The following CSNK1A1 variants were observed in gnomAD, a reference collection of about 807,000 sequenced individuals.
The protein encoded by CSNK1A1 is casein kinase I isoform alpha.
A neutral mutation model predicts 46.1 loss-of-function variants in CSNK1A1; 7 were observed. That is an observed-to-expected ratio of 0.15 (90% CI 0.09 to 0.29). CSNK1A1 has a LOEUF of 0.29. Ranked by LOEUF, CSNK1A1 falls within the 10% of genes least tolerant of loss-of-function variation. The pLI, the probability that CSNK1A1 is intolerant of heterozygous loss-of-function variation, is 1.00. For missense variants in CSNK1A1, 96 were observed against 417.1 expected (o/e 0.23, Z 6.71); for synonymous variants, 137 against 141.5 (o/e 0.97, Z 0.23).
At chr5:149,546,487 G>T (rs1374220819) in intron 2 of CSNK1A1, among the ~76,000 whole-genome samples, 3 of 151,966 alleles carry the variant, frequency 2.0e-5, no homozygotes, top group Non-Finnish European at 4.4e-5. Context: ...ACAAAAATTA[G>T]CTGGGCGTGG....
chr5:149,531,304 G>T (rs1008027309), intron 2 of CSNK1A1, among the ~76,000 whole-genome samples: 6 of 151,268 alleles, frequency 4.0e-5, no homozygotes, highest in Non-Finnish European at 8.8e-5. Flanking sequence ...GGAGGCCAAG[G>T]AGGGCGGATC....
At chr5:149,531,979 G>A (rs1449217054) in intron 2 of CSNK1A1, among the ~76,000 whole-genome samples, 3 of 152,086 alleles carry the variant, frequency 2.0e-5, no homozygotes, top group African/African-American at 7.2e-5. Flanking sequence ...TGCCTCCCAG[G>A]TTCAAGAGAT....
At chr5:149,547,857 T>G (rs1024785370) in intron 2 of CSNK1A1, among the ~76,000 whole-genome samples, 1 of 150,678 alleles carries the variant, frequency 6.6e-6, no homozygotes, top group Non-Finnish European at 1.5e-5. Context: ...GGAACTTTGT[T>G]TTTTTTTTTG....
At chr5:149,501,704 T>C in intron 9 of CSNK1A1, 1 of 985,446 alleles carries the variant, frequency 1.0e-6, no homozygotes, top group Non-Finnish European at 1.2e-6. Context: ...ACCTTTGGGT[T>C]CACTACCTTC....
At chr5:149,499,312 G>A in intron 9 of CSNK1A1, 1 of 796,012 alleles carries the variant, frequency 1.3e-6, no homozygotes, top group Non-Finnish European at 1.5e-6. Flanking sequence ...AAAAGGGGAG[G>A]GGGAGGGGGG....
At position 149,493,093 on chromosome 5, in the gene CSNK1A1, C is replaced by A. The variant is rs535245314; in HGVS notation, c.*3760G>T. On this transcript the variant is annotated 3_prime_UTR_variant, in exon 10 of 10. Transcript: ENST00000377843. ...ATCCACCTTTTTGTTGTTGTTGAGA[C>A]GGAGTCTCACTGCAACGCCCAGGCT... 1 of 152,316 alleles carries A rather than the reference C, an allele frequency of 6.6e-6. No individual in the cohort carries two copies. The highest frequency in any genetic ancestry group is 1.9e-4 in the East Asian group (1 of 5,174). 9.4% of individuals were successfully genotyped at this position (152,316 alleles called of 1,614,324 possible).
Position 149,509,939 on chromosome 5 carries a change from T to C in CSNK1A1, c.690A>G (p.Lys230=). The C allele has an allele frequency of 6.2e-7, 1 of 1,607,556 alleles. No individual in the cohort carries two copies. Among genetic ancestry groups the C allele is most frequent in the Non-Finnish European group, 8.5e-7 (1 of 1,176,048 alleles). Residue 230 remains lysine (K), a synonymous_variant, in exon 7 of 10, where the codon AAA becomes AAG. Transcript: ENST00000377843. ...TTTCACTAATCTTTTCATATTTTTG[T>C]TTCTTTGTTGCAGCCTGTGGAAAAG... ...PWQGLKAATK[K]QKYEKISEKK... is the part of the protein sequence containing the mutation.
intron 2 of CSNK1A1, among the ~76,000 whole-genome samples, chr5:149,539,254 G>C (rs1292189793): frequency 6.6e-6 from 1 of 151,924 alleles, no homozygotes. Flanking sequence ...TATAAATTAA[G>C]AACACAGCCT....
At chr5:149,524,971 T>C in intron 3 of CSNK1A1, 74 bp downstream of exon 3, 5 of 1,366,772 alleles carry the variant, frequency 3.7e-6, no homozygotes, top group Non-Finnish European at 4.9e-6. Flanking sequence ...ATTTTAATAC[T>C]CTGATTTATG....
intron 2 of CSNK1A1, among the ~76,000 whole-genome samples, chr5:149,533,739 T>G (rs1761966370): frequency 6.6e-6 from 1 of 151,720 alleles, no homozygotes; most frequent in South Asian, 2.1e-4. Flanking sequence ...GCTCCAACAT[T>G]GATAGTGGTG....
At chr5:149,502,657 G>A in intron 9 of CSNK1A1, 17 of 981,324 alleles carry the variant, frequency 1.7e-5, no homozygotes, top group South Asian at 4.7e-5. Context: ...TAACAGGCAT[G>A]AGCCACTGCG....
intron 8 of CSNK1A1, 112 bp from the exon 9 acceptor site, chr5:149,505,707 C>T (rs1760999401): frequency 3.6e-6 from 3 of 836,204 alleles, no homozygotes; most frequent in Non-Finnish European, 5.6e-6. Flanking sequence ...AATATTTCCT[C>T]AAGTGTGGCA....
chr5:149,517,291 G>A lies in CSNK1A1; in HGVS notation c.456+2999C>T. Among the ~76,000 whole-genome samples, 1 of 152,054 alleles carries A rather than the reference G, an allele frequency of 6.6e-6. No homozygotes were observed. Among genetic ancestry groups the A allele is most frequent in the African/African-American group, 2.4e-5 (1 of 41,402 alleles). ...CTAGAAGTTGAGAATACAGACTGAG[G>A]AAATAAGTTCTAGAAACACTAGATC... On this transcript the variant is annotated intron_variant, in intron 4 of 9. Transcript: ENST00000377843. The surrounding 1 kb of genome is among the most constrained non-coding windows in gnomAD (Gnocchi z 4.4).
chr5:149,540,237 C>A lies in CSNK1A1; in HGVS notation c.230+9838G>T, dbSNP rs566963437. Among the ~76,000 whole-genome samples the A allele has an allele frequency of 5.3e-5, 8 of 152,278 alleles. No individual in the cohort carries two copies. In the South Asian group the frequency reaches 1.7e-3, roughly 32 times the overall value. On this transcript the variant is annotated intron_variant, in intron 2 of 9. Transcript: ENST00000377843. Reference sequence around the variant, plus strand: ...ATTCATTCTATTAATAGGTTCAAATCTAGATGGCATCACAGGCAGAACCCT... The same window carrying A: ...ATTCATTCTATTAATAGGTTCAAATATAGATGGCATCACAGGCAGAACCCT...
At chr5:149,546,628 T>C (rs1439694360) in intron 2 of CSNK1A1, among the ~76,000 whole-genome samples, 1 of 148,824 alleles carries the variant, frequency 6.7e-6, no homozygotes, top group Non-Finnish European at 1.5e-5. Context: ...TGAGACTCCA[T>C]GTCAAAAAAA....
intron 2 of CSNK1A1, among the ~76,000 whole-genome samples, chr5:149,533,617 C>T (rs1168992436): frequency 1.3e-5 from 2 of 151,826 alleles, no homozygotes; most frequent in East Asian, 3.9e-4. Context: ...GTTATTTTCC[C>T]CGTAATACCC....
intron 7 of CSNK1A1, among the ~76,000 whole-genome samples, chr5:149,508,736 G>C (rs981503600): frequency 6.6e-6 from 1 of 152,086 alleles, no homozygotes; most frequent in African/African-American, 2.4e-5. Context: ...TTCTTTTCCA[G>C]CACTAGTTTA....
intron 4 of CSNK1A1, among the ~76,000 whole-genome samples, chr5:149,518,361 C>T (rs115392108): frequency 0.01 from 1,593 of 152,164 alleles, 21 homozygotes; most frequent in African/African-American, 0.036. Context: ...GTGGCCACTC[C>T]TAAATATCAA....
intron 6 of CSNK1A1, 46 bp downstream of exon 6, chr5:149,511,748 T>A (rs1761229483): frequency 7.7e-7 from 1 of 1,294,068 alleles, no homozygotes; most frequent in South Asian, 1.3e-5. Context: ...TATATTTTTA[T>A]TCTAAAAAAG....
Sources: allele counts gnomAD v4.1 joint callset (sites outside exome capture counted in the v4.1 genomes callset), GRCh38; gene constraint gnomAD v4.1.1; non-coding constraint Gnocchi (gnomAD v3.1); transcripts MANE v1.5; gene names NCBI Gene and HGNC (gene_info 2026-07-23, HGNC 2026-07-21).